Variants in MSANTD3 observed in about 807,000 individuals in gnomAD.
MSANTD3 encodes the protein myb/SANT-like DNA-binding domain-containing protein 3.
In MSANTD3, 11 loss-of-function variants were observed where a neutral mutation model predicts 27.7. The observed-to-expected ratio is 0.40, with a 90% confidence interval of 0.25 to 0.66. The LOEUF (loss-of-function observed/expected upper bound fraction) is 0.66, where lower values mean the gene tolerates loss of function less well. Ranked by LOEUF, MSANTD3 falls within the 30% of genes least tolerant of loss-of-function variation. The pLI is 0.41. For missense variants in MSANTD3, 250 were observed against 336.5 expected, an observed-to-expected ratio of 0.74 and a Z score of 2.01; for synonymous variants, 131 against 127.2, an observed-to-expected ratio of 1.03 and a Z score of -0.20.
At chr9:100,447,825 A>G (rs796569334) in intron 2 of MSANTD3, among the ~76,000 whole-genome samples, 7 of 152,246 alleles carry the variant, frequency 4.6e-5, no homozygotes, top group African/African-American at 1.7e-4. Context: ...AGGTGCTATC[A>G]TCATCATTGT....
chr9:100,451,461 C>T lies in MSANTD3; in HGVS notation c.*495C>T, dbSNP rs192721986. On this transcript the variant is annotated 3_prime_UTR_variant, in exon 3 of 3. Coordinates refer to ENST00000395067, the MANE Select transcript of MSANTD3 (RefSeq NM_080655.3). ...TTGCTAGAGGTCTTTAGGGAACCTC[C>T]GTGAGAGCTGCAGCACCTTTTTAAT... 2.0e-3 allele frequency: 305 copies of T among 150,678 alleles called. No individual in the cohort carries two copies. The highest frequency in any genetic ancestry group is 3.5e-3 in the Admixed American group (53 of 15,054). 9.3% of individuals were successfully genotyped at this position (150,678 alleles called of 1,614,324 possible). A position where few individuals can be genotyped will look rare whatever the true frequency, so the allele number is the denominator to read the frequency against.
intron 1 of MSANTD3, among the ~76,000 whole-genome samples, chr9:100,435,089 TC>T (rs1466643767): frequency 6.6e-6 from 1 of 152,228 alleles, no homozygotes. Flanking sequence ...AGTCTGTGTT[TC>T]TTTATTCACG....
chr9:100,428,420 G>A (rs1836291871), intron 1 of MSANTD3, among the ~76,000 whole-genome samples: 1 of 152,144 alleles, frequency 6.6e-6, no homozygotes, highest in Non-Finnish European at 1.5e-5. Context: ...ATTGAGGATG[G>A]CTGTGGGAGT....
At chr9:100,450,436 A>G in intron 2 of MSANTD3, 121 bp from the exon 3 acceptor site, 2 of 943,290 alleles carry the variant, frequency 2.1e-6, no homozygotes, top group Non-Finnish European at 3.0e-6. Flanking sequence ...TGAAGACCAA[A>G]GCAGACATGA....
rs184963997 is a variant in MSANTD3 at position 100,443,674 on chromosome 9, A to G, written c.418+1318A>G. ...GTCATATAATGAAGGATGCAATGAT[A>G]GTGTGTCATAGCTTCAAAAGGTTGG... On this transcript the variant is annotated intron_variant, in intron 2 of 2. Coordinates refer to ENST00000395067, the MANE Select transcript of MSANTD3 (RefSeq NM_080655.3). Among the ~76,000 whole-genome samples the G allele has an allele frequency of 8.3e-4, 126 of 152,364 alleles. 1 individual carries two copies. Among genetic ancestry groups the G allele is most frequent in the African/African-American group, 2.9e-3 (119 of 41,586 alleles).
At chr9:100,430,779 C>T (rs1836357589) in intron 1 of MSANTD3, among the ~76,000 whole-genome samples, 1 of 152,134 alleles carries the variant, frequency 6.6e-6, no homozygotes, top group African/African-American at 2.4e-5. Flanking sequence ...CTTTGGGAAG[C>T]CAAGTTGATG....
intron 2 of MSANTD3, among the ~76,000 whole-genome samples, chr9:100,442,808 C>CAAA (rs59051169): frequency 5.4e-5 from 3 of 55,876 alleles, no homozygotes; most frequent in Non-Finnish European, 8.0e-5. Context: ...GACCCTGTCT[C>CAAA]AAAAAAAAAA....
chr9:100,442,701 C>T (rs570353382), intron 2 of MSANTD3, among the ~76,000 whole-genome samples: 102 of 149,770 alleles, frequency 6.8e-4, no homozygotes, highest in Non-Finnish European at 1.1e-3. Context: ...TCCAGCTACT[C>T]GGGAGGCTGA....
chr9:100,448,978 G>T, intron 2 of MSANTD3: 25 of 985,230 alleles, frequency 2.5e-5, no homozygotes, highest in Non-Finnish European at 3.0e-5. Flanking sequence ...TTATTAACAG[G>T]GTATTATGAG....
intron 1 of MSANTD3, among the ~76,000 whole-genome samples, chr9:100,433,230 AAAGT>A (rs1836410274): frequency 6.6e-6 from 1 of 152,192 alleles, no homozygotes; most frequent in Non-Finnish European, 1.5e-5. Context: ...CCTCAACTGT[AAAGT>A]AAGAGGATTA....
At chr9:100,447,621 G>T (rs1237978324) in intron 2 of MSANTD3, among the ~76,000 whole-genome samples, 1 of 152,140 alleles carries the variant, frequency 6.6e-6, no homozygotes, top group Non-Finnish European at 1.5e-5. Flanking sequence ...AGAGTGGGAG[G>T]CTGATTATTG....
intron 2 of MSANTD3, chr9:100,448,952 A>G: frequency 3.1e-6 from 3 of 980,932 alleles, no homozygotes; most frequent in Non-Finnish European, 3.6e-6. Context: ...ATAATTAAAC[A>G]GTAGCCATTT....
rs374375789 is a variant in MSANTD3 at position 100,441,995 on chromosome 9, C to T, written c.57C>T (p.Ser19=). ...PAKYFSELEK[S]ILLALVEKYK... ...AATACTTCTCAGAATTGGAAAAGAG[C>T]ATCCTGCTGGCTTTAGTAGAAAAGT... Residue 19 remains serine, a synonymous_variant, in exon 2 of 3, where the codon AGC becomes AGT. Transcript: ENST00000395067. The T allele has an allele frequency of 8.4e-5, 135 of 1,613,846 alleles. No individual in the cohort carries two copies. Among genetic ancestry groups the T allele is most frequent in the Middle Eastern group, 8.2e-4 (5 of 6,084 alleles).
chr9:100,434,970 T>TAC (rs140970116), intron 1 of MSANTD3, among the ~76,000 whole-genome samples: 11,063 of 150,264 alleles, frequency 0.074, 467 homozygotes, highest in Admixed American at 0.15. Flanking sequence ...ACACACACCA[T>TAC]ACACACACAC....
At chr9:100,433,824 T>C (rs1166785109) in intron 1 of MSANTD3, among the ~76,000 whole-genome samples, 2 of 152,152 alleles carry the variant, frequency 1.3e-5, no homozygotes, top group South Asian at 2.1e-4. Flanking sequence ...CTGCCACGTG[T>C]CCTTCAGTTC....
chr9:100,439,152 C>T (rs763366276), intron 1 of MSANTD3, among the ~76,000 whole-genome samples: 5 of 152,068 alleles, frequency 3.3e-5, no homozygotes, highest in Non-Finnish European at 5.9e-5. Context: ...AGTGAGAGAC[C>T]GTGATCAGGT....
rs749381014 is a variant in MSANTD3 at position 100,450,903 on chromosome 9, A to G, written c.765A>G (p.Leu255=). 3.7e-6 allele frequency: 6 copies of G among 1,612,874 alleles called. No individual in the cohort carries two copies. Among genetic ancestry groups the G allele is most frequent in the Middle Eastern group, 1.7e-4 (1 of 6,046 alleles). Reference sequence around the variant, plus strand: ...AGAAGATGTATTGGGAAAGAAAACTACAAACTTTTACCAAGGAATGGCCTG... The same window carrying G: ...AGAAGATGTATTGGGAAAGAAAACTGCAAACTTTTACCAAGGAATGGCCTG... ...NKKKMYWERK[L]QTFTKEWPVS... The change falls in exon 3 of 3, where the codon CTA becomes CTG. Residue 255 remains leucine (L), a synonymous_variant. Coordinates refer to ENST00000395067, the MANE Select transcript of MSANTD3 (RefSeq NM_080655.3).
chr9:100,434,496 C>G (rs1836434660), intron 1 of MSANTD3, among the ~76,000 whole-genome samples: 2 of 152,150 alleles, frequency 1.3e-5, no homozygotes, highest in Admixed American at 1.3e-4. Context: ...CGCCACTCTA[C>G]TCCAGCCTGG....
chr9:100,446,602 G>A (rs1386680389), intron 2 of MSANTD3, among the ~76,000 whole-genome samples: 1 of 152,042 alleles, frequency 6.6e-6, no homozygotes, highest in Non-Finnish European at 1.5e-5. Context: ...AAGGCAGACC[G>A]ATCACCTGAG....
Sources: allele counts gnomAD v4.1 joint callset (sites outside exome capture counted in the v4.1 genomes callset), GRCh38; gene constraint gnomAD v4.1.1; transcripts MANE v1.5; gene names NCBI Gene and HGNC (gene_info 2026-07-23, HGNC 2026-07-21).